Variants in NRXN1 observed in about 807,000 individuals in gnomAD.
The protein encoded by NRXN1 is neurexin-1.
A neutral mutation model predicts 150.9 loss-of-function variants in NRXN1; 39 were observed. The ratio of observed to expected loss-of-function variants is 0.26; its 90% CI spans 0.20 to 0.34. The LOEUF (loss-of-function observed/expected upper bound fraction) is 0.34. Among genes scored for constraint, NRXN1 ranks in the 10% least tolerant of loss-of-function variants. The probability of loss-of-function intolerance (pLI) is 1.00; values close to 1 mark genes in which losing one functional copy is unlikely to be tolerated. For synonymous variants in NRXN1, 924 were observed against 757.0 expected (o/e 1.22, Z -3.62); for missense variants, 1,815 against 1,949.9 (o/e 0.93, Z 1.30).
chr2:50,227,706 A>G (rs1290350174), intron 18 of NRXN1, among the ~76,000 whole-genome samples: 1 of 151,982 alleles, frequency 6.6e-6, no homozygotes, highest in Non-Finnish European at 1.5e-5. Flanking sequence ...GGAGGCAGAG[A>G]GATTAGTTAG....
At chr2:50,014,330 G>C (rs1686213711) in intron 21 of NRXN1, among the ~76,000 whole-genome samples, 1 of 152,102 alleles carries the variant, frequency 6.6e-6, no homozygotes, top group South Asian at 2.1e-4. Context: ...CTTACTATGT[G>C]TTATATACTA....
chr2:50,861,869 A>T (rs1273403435), intron 5 of NRXN1, among the ~76,000 whole-genome samples: 4 of 152,174 alleles, frequency 2.6e-5, no homozygotes, highest in Non-Finnish European at 4.4e-5. Context: ...TAGATTGTTT[A>T]GTCACTCGAA....
rs565111413 is a variant in NRXN1, at chr2:50,607,954, C to T, written c.1320+12068G>A. Among the ~76,000 whole-genome samples, 4 of 151,894 alleles carry T rather than the reference C, an allele frequency of 2.6e-5. No homozygotes were observed. The East Asian group carries it at 7.8e-4, about 30-fold the overall frequency. On this transcript the variant is annotated intron_variant, in intron 8 of 22. Coordinates refer to ENST00000401669, the MANE Select transcript of NRXN1 (RefSeq NM_001330078.2). Reference sequence around the variant, plus strand: ...TATAAGAGTCCTCATGGCTCATCTGCCCTCAGTGTAATCAGATGAGAAGAT... The same window carrying T: ...TATAAGAGTCCTCATGGCTCATCTGTCCTCAGTGTAATCAGATGAGAAGAT...
At chr2:50,705,150 T>G (rs116663214) in intron 5 of NRXN1, among the ~76,000 whole-genome samples, 3,856 of 152,040 alleles carry the variant, frequency 0.025, 75 homozygotes, top group South Asian at 0.06. Flanking sequence ...TTATCTAGTT[T>G]GCTGATAAGT....
chr2:50,057,635 A>G (rs1276283226), intron 19 of NRXN1, among the ~76,000 whole-genome samples: 3 of 152,188 alleles, frequency 2.0e-5, no homozygotes, highest in Admixed American at 2.0e-4. Flanking sequence ...CACAATATCT[A>G]TCACATACAA....
At chr2:50,589,444 C>T (rs987097523) in intron 8 of NRXN1, 1 of 151,744 alleles carries the variant, frequency 6.6e-6, no homozygotes, top group South Asian at 2.1e-4. Context: ...GCAACCTCCC[C>T]ATCCTGGGCT....
At chr2:50,644,261 C>T (rs1684481930) in intron 5 of NRXN1, among the ~76,000 whole-genome samples, 2 of 151,500 alleles carry the variant, frequency 1.3e-5, no homozygotes, top group African/African-American at 4.8e-5. Context: ...CAGACTTCTA[C>T]CCTGATTATG....
At chr2:50,090,137 T>C (rs1462776624) in intron 19 of NRXN1, among the ~76,000 whole-genome samples, 3 of 152,292 alleles carry the variant, frequency 2.0e-5, no homozygotes, top group South Asian at 4.1e-4. Flanking sequence ...ATTGGCAGAG[T>C]ACTAGGCTTG....
At chr2:50,048,525 T>G (rs144751153) in intron 21 of NRXN1, among the ~76,000 whole-genome samples, 164 of 152,276 alleles carry the variant, frequency 1.1e-3, no homozygotes, top group African/African-American at 3.7e-3. Flanking sequence ...AGGAAATGTG[T>G]GTGAATTCTG....
intron 12 of NRXN1, among the ~76,000 whole-genome samples, chr2:50,513,747 T>G (rs923866650): frequency 6.6e-6 from 1 of 152,026 alleles, no homozygotes; most frequent in Non-Finnish European, 1.5e-5. Flanking sequence ...CAAAGACCTC[T>G]AAGAGACAAA....
chr2:50,211,137 T>C (rs561342533), intron 18 of NRXN1, among the ~76,000 whole-genome samples: 3 of 151,736 alleles, frequency 2.0e-5, no homozygotes, highest in African/African-American at 7.2e-5. Context: ...GAAACTTTAT[T>C]TTAGGAGAAA....
At chr2:50,443,331 G>A in intron 17 of NRXN1, among the ~76,000 whole-genome samples, 1 of 152,178 alleles carries the variant, frequency 6.6e-6, no homozygotes, top group East Asian at 1.9e-4. Context: ...TGTGAATATA[G>A]GAGAATTTTC....
At chr2:50,274,771 C>A (rs907684457) in intron 17 of NRXN1, among the ~76,000 whole-genome samples, 2 of 151,156 alleles carry the variant, frequency 1.3e-5, no homozygotes, top group African/African-American at 4.9e-5. Flanking sequence ...TCAAAAATGC[C>A]TTTCAACTAC....
chr2:50,550,011 A>G (rs1276915255), intron 9 of NRXN1, among the ~76,000 whole-genome samples: 1 of 152,204 alleles, frequency 6.6e-6, no homozygotes, highest in Non-Finnish European at 1.5e-5. Flanking sequence ...ACCCAAAAAT[A>G]TAAATCATTA....
intron 9 of NRXN1, among the ~76,000 whole-genome samples, chr2:50,551,067 A>G (rs1667424073): frequency 7.6e-6 from 1 of 131,520 alleles, no homozygotes; most frequent in South Asian, 3.0e-4. Flanking sequence ...GAAGAAGAAG[A>G]AGAAGAAGAG....
At chr2:50,994,027 T>A (rs1224984450) in intron 2 of NRXN1, among the ~76,000 whole-genome samples, 1 of 152,034 alleles carries the variant, frequency 6.6e-6, no homozygotes, top group African/African-American at 2.4e-5. Context: ...GATTTTAGAT[T>A]TTGTTTACCA....
At chr2:50,385,732 C>T (rs6722443) in intron 17 of NRXN1, among the ~76,000 whole-genome samples, 10 of 151,948 alleles carry the variant, frequency 6.6e-5, no homozygotes, top group Admixed American at 1.3e-4. Flanking sequence ...AATCAACATC[C>T]TCATGTATTT....
At chr2:50,382,919 T>C (rs773767313) in intron 17 of NRXN1, among the ~76,000 whole-genome samples, 2 of 152,206 alleles carry the variant, frequency 1.3e-5, no homozygotes, top group African/African-American at 2.4e-5. Context: ...AGGTTCACCA[T>C]ACTTTTTCTC....
chr2:50,052,785 GA>G (rs894111034), intron 21 of NRXN1, among the ~76,000 whole-genome samples: 2 of 137,774 alleles, frequency 1.5e-5, no homozygotes, highest in African/African-American at 5.3e-5. Flanking sequence ...CATTCACCAA[GA>G]AAGCCACATG....
Sources: gnomAD v4.1 joint callset for allele counts (sites outside exome capture counted in the v4.1 genomes callset) on GRCh38, gnomAD v4.1.1 for gene constraint, MANE v1.5 for transcripts, NCBI Gene and HGNC (gene_info 2026-07-23, HGNC 2026-07-21) for gene names.